Variants in APOOL observed in about 807,000 individuals in gnomAD.
The protein encoded by APOOL is MICOS complex subunit MIC27.
APOOL carries 12 observed loss-of-function variants against 23.1 expected under a neutral mutation model. The ratio of observed to expected loss-of-function variants is 0.52; its 90% CI spans 0.33 to 0.84. The LOEUF is 0.84. Ranked by LOEUF, APOOL falls within the 40% of genes least tolerant of loss-of-function variation. The pLI, the probability that APOOL is intolerant of heterozygous loss-of-function variation, is 0.02. For missense variants in APOOL, 212 were observed against 199.6 expected (o/e 1.06, Z -0.37); for synonymous variants, 77 against 69.9 (o/e 1.10, Z -0.51).
chrX:85,058,289 G>A (rs1313345382), intron 5 of APOOL, among the ~76,000 whole-genome samples: 1 of 109,570 alleles, frequency 9.1e-6, no homozygotes, highest in Non-Finnish European at 1.9e-5. Context: ...TCTTCTCATT[G>A]TTGAGCTCCC....
intron 6 of APOOL, among the ~76,000 whole-genome samples, chrX:85,068,483 G>A (rs1471174394): frequency 1.0e-5 from 1 of 100,425 alleles, no homozygotes; most frequent in Non-Finnish European, 2.0e-5. Context: ...TTGGCTCACT[G>A]TAGCCTCTGC....
chrX:85,035,237 G>T (rs1019701027), intron 1 of APOOL, among the ~76,000 whole-genome samples: 11 of 111,338 alleles, frequency 9.9e-5, no homozygotes, highest in African/African-American at 3.3e-4. Flanking sequence ...TCATGTATTT[G>T]TTGGCCACTT....
At chrX:85,044,878 G>C (rs1380336734) in intron 1 of APOOL, among the ~76,000 whole-genome samples, 5 of 111,378 alleles carry the variant, frequency 4.5e-5, no homozygotes, top group Non-Finnish European at 9.4e-5. Flanking sequence ...GTGATCATTA[G>C]TGTGTTGAAA....
intron 5 of APOOL, among the ~76,000 whole-genome samples, chrX:85,064,945 T>A (rs1222894021): frequency 9.0e-6 from 1 of 111,436 alleles, no homozygotes; most frequent in Non-Finnish European, 1.9e-5. Flanking sequence ...GGTAATTTTC[T>A]GTCTTGATGA....
chrX:85,088,425 T>G lies in APOOL; in HGVS notation c.*747T>G, dbSNP rs1293667395. 9.9e-6 allele frequency: 1 copy of G among 101,417 alleles called. No homozygotes were observed. The highest frequency in any genetic ancestry group is 3.6e-5 in the African/African-American group (1 of 27,891). 8.4% of individuals were successfully genotyped at this position (101,417 alleles called of 1,213,427 possible). A position where few individuals can be genotyped will look rare whatever the true frequency, so the allele number is the denominator to read the frequency against. On this transcript the variant is annotated 3_prime_UTR_variant, in exon 9 of 9. Coordinates refer to ENST00000373173, the MANE Select transcript of APOOL (RefSeq NM_198450.6). Reference sequence around the variant, plus strand: ...CTTTGTCCCTTGGTTTTGTTAATGTTAATTCCTCTTAAATATCTAAAAACA... The same window carrying G: ...CTTTGTCCCTTGGTTTTGTTAATGTGAATTCCTCTTAAATATCTAAAAACA...
chrX:85,054,329 T>C lies in APOOL; in HGVS notation c.241-15T>C, dbSNP rs753774027. ...CAAAAATGCAGATGTCTTCCCCCCC[T>C]TTTTTTTTGCTTAGGGTGTTTATGT... On this transcript the variant is annotated splice_polypyrimidine_tract_variant and intron_variant, in intron 3 of 8. Coordinates refer to ENST00000373173, the MANE Select transcript of APOOL (RefSeq NM_198450.6). The C allele has an allele frequency of 4.0e-5, 44 of 1,091,971 alleles. No homozygotes were observed. The South Asian group carries it at 9.0e-4, about 22-fold the overall frequency. 90.0% of individuals were successfully genotyped at this position (1,091,971 alleles called of 1,213,427 possible). A position where few individuals can be genotyped will look rare whatever the true frequency, so the allele number is the denominator to read the frequency against.
At chrX:85,008,535 T>TTGTGTGTGTGTGTG (rs57105866) in intron 1 of APOOL, among the ~76,000 whole-genome samples, 11,693 of 85,828 alleles carry the variant, frequency 0.14, 922 homozygotes, top group Admixed American at 0.24. Flanking sequence ...TGATAACCCG[T>TTGTGTGTGTGTGTG]TGTGTGTGTG....
chrX:85,087,618 G>T lies in APOOL; in HGVS notation c.747G>T (p.Lys249Asn). The change falls in exon 9 of 9, where the codon AAG (lysine) becomes AAT (asparagine). Residue 249 changes from lysine to asparagine, a missense_variant. Physicochemically the swap from Lys to Asn is moderately conservative, Grantham distance 94. Coordinates refer to ENST00000373173, the MANE Select transcript of APOOL (RefSeq NM_198450.6). ...SGATQFMPDP[K>N]LMDHGQSHPE... ...CAACCCAGTTTATGCCTGACCCCAA[G>T]CTCATGGATCACGGGCAGTCCCACC... is the stretch of plus-strand genomic sequence containing the variant. 8.3e-7 allele frequency: 1 copy of T among 1,201,847 alleles called. No homozygotes were observed. The highest frequency in any genetic ancestry group is 1.1e-6 in the Non-Finnish European group (1 of 890,649).
At chrX:85,009,452 G>C (rs188472022) in intron 1 of APOOL, among the ~76,000 whole-genome samples, 196 of 111,526 alleles carry the variant, frequency 1.8e-3, no homozygotes, top group Non-Finnish European at 2.7e-3. Context: ...ATCACAAAAG[G>C]ATGTTGAATT....
Position 85,093,129 on chromosome X carries a change from A to G in APOOL, c.*5451A>G. 1 of 1,055,138 alleles carries G rather than the reference A, an allele frequency of 9.5e-7. No homozygotes were observed. Among genetic ancestry groups the G allele is most frequent in the Non-Finnish European group, 1.3e-6 (1 of 780,335 alleles). 87.0% of individuals were successfully genotyped at this position (1,055,138 alleles called of 1,213,427 possible). A position where few individuals can be genotyped will look rare whatever the true frequency, so the allele number is the denominator to read the frequency against. Reference sequence around the variant, plus strand: ...TAATGATTTAATTTATGCCCTGTGAATATTTATTAAGAAAAGGTTAATGTA... The same window carrying G: ...TAATGATTTAATTTATGCCCTGTGAGTATTTATTAAGAAAAGGTTAATGTA... On this transcript the variant is annotated 3_prime_UTR_variant, in exon 9 of 9. Transcript: ENST00000373173.
At chrX:85,026,261 A>G (rs1274454595) in intron 1 of APOOL, among the ~76,000 whole-genome samples, 2 of 113,065 alleles carry the variant, frequency 1.8e-5, no homozygotes, top group Admixed American at 1.9e-4. Flanking sequence ...TATATGGGAA[A>G]CAGTGTTCTG....
intron 1 of APOOL, among the ~76,000 whole-genome samples, chrX:85,018,551 G>A (rs953236981): frequency 8.1e-5 from 9 of 110,796 alleles, no homozygotes; most frequent in African/African-American, 3.0e-4. Context: ...TGATTCAGTT[G>A]ATGGGTTTTC....
At chrX:85,072,282 T>C (rs1379510123) in intron 6 of APOOL, among the ~76,000 whole-genome samples, 1 of 111,830 alleles carries the variant, frequency 8.9e-6, no homozygotes, top group Non-Finnish European at 1.9e-5. Flanking sequence ...CATTTAGATA[T>C]TGGTTTTTAG....
At chrX:85,085,340 A>G (rs1336447811) in intron 8 of APOOL, among the ~76,000 whole-genome samples, 2 of 111,534 alleles carry the variant, frequency 1.8e-5, no homozygotes, top group African/African-American at 6.5e-5. Context: ...AATAATGACA[A>G]ATTTTCCTCA....
At chrX:85,060,654 G>A (rs1203675494) in intron 5 of APOOL, among the ~76,000 whole-genome samples, 1 of 111,263 alleles carries the variant, frequency 9.0e-6, no homozygotes, top group African/African-American at 3.3e-5. Flanking sequence ...GTGAATGGGA[G>A]TTCACTCATG....
intron 5 of APOOL, among the ~76,000 whole-genome samples, chrX:85,060,436 G>A: frequency 9.3e-6 from 1 of 107,015 alleles, no homozygotes; most frequent in East Asian, 2.9e-4. Flanking sequence ...GTAGCTTGAT[G>A]GGGATGGCAT....
intron 8 of APOOL, among the ~76,000 whole-genome samples, chrX:85,081,735 G>A (rs1210975908): frequency 4.5e-5 from 5 of 111,622 alleles, no homozygotes; most frequent in Admixed American, 9.6e-5. Context: ...CCCATCAAAC[G>A]TAGATTTGGT....
At chrX:85,065,559 G>A (rs186416681) in intron 5 of APOOL, among the ~76,000 whole-genome samples, 1 of 111,160 alleles carries the variant, frequency 9.0e-6, no homozygotes. Flanking sequence ...AGGCGTGGTG[G>A]TGATGAAATC....
In APOOL at chrX:85,092,142, C is replaced by T; in HGVS notation, c.*4464C>T. ...ATGATAGGTAAAAAATAGCGCAAAG[C>T]TAAGTATAAGTGACTTTTAAATTAT... On this transcript the variant is annotated 3_prime_UTR_variant, in exon 9 of 9. Transcript: ENST00000373173. 3.4e-6 allele frequency: 1 copy of T among 293,581 alleles called. No individual in the cohort carries two copies. Among genetic ancestry groups the T allele is most frequent in the Non-Finnish European group, 6.0e-6 (1 of 167,395 alleles). 24.2% of individuals were successfully genotyped at this position (293,581 alleles called of 1,213,427 possible).
Sources: gnomAD v4.1 joint callset for allele counts (sites outside exome capture counted in the v4.1 genomes callset) on GRCh38, gnomAD v4.1.1 for gene constraint, MANE v1.5 for transcripts, NCBI Gene and HGNC (gene_info 2026-07-23, HGNC 2026-07-21) for gene names.